The following MYO5B variants were observed in gnomAD, a reference collection of about 807,000 sequenced individuals.
MYO5B encodes the protein myosin VB, also known as unconventional myosin-Vb.
Under a neutral mutation model 229.3 loss-of-function variants are expected in MYO5B, and 143 were observed. That is an observed-to-expected ratio of 0.62 (90% CI 0.54 to 0.72). The LOEUF (loss-of-function observed/expected upper bound fraction) is 0.72, where lower values mean the gene tolerates loss of function less well. Among genes scored for constraint, MYO5B ranks in the 30% least tolerant of loss-of-function variants. The pLI is 0.00. For synonymous variants in MYO5B, 918 were observed against 885.2 expected, an observed-to-expected ratio of 1.04 and a Z score of -0.66; for missense variants, 2,321 against 2,331.0, an observed-to-expected ratio of 1.00 and a Z score of 0.09.
At chr18:49,960,380 G>A (rs755250861) in intron 12 of MYO5B, among the ~76,000 whole-genome samples, 2 of 152,168 alleles carry the variant, frequency 1.3e-5, no homozygotes, top group Non-Finnish European at 2.9e-5. Flanking sequence ...AAGGAGCACC[G>A]CGTTGCCCAG....
chr18:50,143,545 G>A (rs1249795908), intron 1 of MYO5B, among the ~76,000 whole-genome samples: 1 of 152,196 alleles, frequency 6.6e-6, no homozygotes, highest in Admixed American at 6.5e-5. Context: ...ATGGGTCTAA[G>A]GCTTCTCAGT....
intron 1 of MYO5B, among the ~76,000 whole-genome samples, chr18:50,119,255 G>C (rs116667958): frequency 6.6e-4 from 100 of 152,286 alleles, no homozygotes; most frequent in African/African-American, 2.2e-3. Context: ...TATCCCAGAC[G>C]AGGGGCTCCT....
At chr18:49,956,348 A>T (rs1212026690) in intron 12 of MYO5B, among the ~76,000 whole-genome samples, 1 of 152,238 alleles carries the variant, frequency 6.6e-6, no homozygotes, top group Non-Finnish European at 1.5e-5. Flanking sequence ...GGAGACAGAG[A>T]GGTTAAGTAA....
chr18:50,004,364 T>TA (rs1193057479), intron 4 of MYO5B, among the ~76,000 whole-genome samples: 2 of 152,202 alleles, frequency 1.3e-5, no homozygotes, highest in African/African-American at 2.4e-5. Context: ...ACCACAAGTT[T>TA]AAAAAATCTT....
chr18:50,098,715 TATC>T (rs1435190793), intron 1 of MYO5B: 1 of 152,324 alleles, frequency 6.6e-6, no homozygotes, highest in African/African-American at 2.4e-5. Flanking sequence ...AGCTCCTCTG[TATC>T]ATCAATGTAA....
chr18:49,893,336 T>C (rs1349328283), intron 22 of MYO5B, among the ~76,000 whole-genome samples: 4 of 152,244 alleles, frequency 2.6e-5, no homozygotes, highest in African/African-American at 9.6e-5. Context: ...CCAGTTCTAT[T>C]CTTGATCCTT....
At chr18:49,858,189 C>T (rs1464436771) in intron 29 of MYO5B, among the ~76,000 whole-genome samples, 1 of 152,180 alleles carries the variant, frequency 6.6e-6, no homozygotes, top group Non-Finnish European at 1.5e-5. Context: ...CTCATTATAC[C>T]TCTCCATCAT....
rs182184169 is a variant in MYO5B, at chr18:49,954,201, C to T, written c.1668+112G>A. On this transcript the variant is annotated intron_variant, in intron 13 of 39. Coordinates refer to ENST00000285039, the MANE Select transcript of MYO5B (RefSeq NM_001080467.3). ...GGATGGAAGGGGAACCTAGCTGAGGCTTCAGGCCATTTGAATTCAGAAGGG... is the reference window on the plus strand; with the variant it reads ...GGATGGAAGGGGAACCTAGCTGAGGTTTCAGGCCATTTGAATTCAGAAGGG... The T allele has an allele frequency of 3.3e-5, 50 of 1,512,552 alleles. No individual in the cohort carries two copies. In the Middle Eastern group the frequency reaches 6.8e-4, roughly 21 times the overall value. 93.7% of individuals were successfully genotyped at this position (1,512,552 alleles called of 1,614,324 possible).
chr18:50,141,114 A>G (rs1349245218), intron 1 of MYO5B, among the ~76,000 whole-genome samples: 1 of 152,170 alleles, frequency 6.6e-6, no homozygotes, highest in Non-Finnish European at 1.5e-5. Flanking sequence ...TTGAGGTAGG[A>G]GGCAGGACTC....
At position 49,988,464 on chromosome 18, in the gene MYO5B, T is replaced by C. The variant is rs2025895278; in HGVS notation, c.838+1975A>G. Among the ~76,000 whole-genome samples the C allele has an allele frequency of 2.0e-5, 3 of 152,280 alleles. No homozygotes were observed. The Middle Eastern group carries it at 0.01, about 518-fold the overall frequency. The stretch of plus-strand genomic sequence containing the variant: ...TTCAAGTGCTGCAGCCTGGGGCCCA[T>C]GTACCTTGCAGAGACAGGGAATAAG... On this transcript the variant is annotated intron_variant, in intron 7 of 39. Coordinates refer to ENST00000285039, the MANE Select transcript of MYO5B (RefSeq NM_001080467.3).
intron 10 of MYO5B, among the ~76,000 whole-genome samples, chr18:49,970,240 T>C (rs750028990): frequency 1.6e-4 from 24 of 152,226 alleles, no homozygotes; most frequent in Admixed American, 2.6e-4. Flanking sequence ...TGAAGGCGAC[T>C]TCACAGATCC....
intron 1 of MYO5B, among the ~76,000 whole-genome samples, chr18:50,110,404 T>C (rs1349061061): frequency 6.6e-6 from 1 of 152,194 alleles, no homozygotes; most frequent in Non-Finnish European, 1.5e-5. Context: ...CAGCAGCTGA[T>C]AGGCACTCAA....
chr18:49,960,679 A>C (rs567848235), intron 12 of MYO5B, among the ~76,000 whole-genome samples: 119 of 152,278 alleles, frequency 7.8e-4, no homozygotes, highest in South Asian at 2.9e-3. Flanking sequence ...CTTTTGTCTT[A>C]TTCCCTAATG....
chr18:50,066,198 T>G (rs1213193054), intron 1 of MYO5B, among the ~76,000 whole-genome samples: 3 of 152,198 alleles, frequency 2.0e-5, no homozygotes, highest in African/African-American at 7.2e-5. Flanking sequence ...GCAAGATAGT[T>G]CAGTCTTGCA....
chr18:49,944,696 T>C (rs2025351748), intron 14 of MYO5B, among the ~76,000 whole-genome samples: 1 of 152,086 alleles, frequency 6.6e-6, no homozygotes, highest in Non-Finnish European at 1.5e-5. Context: ...TGCATTTTCT[T>C]ATACTTGAAT....
At chr18:49,951,345 C>CT (rs1410504954) in intron 14 of MYO5B, among the ~76,000 whole-genome samples, 1 of 152,182 alleles carries the variant, frequency 6.6e-6, no homozygotes, top group African/African-American at 2.4e-5. Flanking sequence ...CCAACCTACC[C>CT]TTATCATTCT....
chr18:49,826,592 T>G lies in MYO5B; in HGVS notation c.5426A>C (p.Gln1809Pro). 1 of 1,613,808 alleles carries G rather than the reference T, an allele frequency of 6.2e-7. No individual in the cohort carries two copies. Among genetic ancestry groups the G allele is most frequent in the Non-Finnish European group, 8.5e-7 (1 of 1,179,914 alleles). ...AQLQERNDPQ[Q>P]LLLDAKHMFP... is the part of the protein sequence containing the mutation. ...CATGTGCTTGGCATCTAATAGCAGTTGCTGAGGGTCATTCCGCTCTTGTAG... is the reference window on the plus strand; with the variant it reads ...CATGTGCTTGGCATCTAATAGCAGTGGCTGAGGGTCATTCCGCTCTTGTAG... Residue 1809 changes from glutamine to proline, a missense_variant, in exon 40 of 40, where the codon CAA (glutamine) becomes CCA (proline). Around this residue, in one of 2 missense-constraint regions of MYO5B, gnomAD observed 208 missense variants for 286.3 expected, o/e 0.73. Coordinates refer to ENST00000285039, the MANE Select transcript of MYO5B (RefSeq NM_001080467.3).
chr18:49,943,989 G>C (rs2025344116), intron 14 of MYO5B, among the ~76,000 whole-genome samples: 1 of 152,098 alleles, frequency 6.6e-6, no homozygotes, highest in Non-Finnish European at 1.5e-5. Flanking sequence ...GCATTCGGGG[G>C]GCTAAGATAA....
intron 1 of MYO5B, among the ~76,000 whole-genome samples, chr18:50,184,902 AT>A (rs72425995): frequency 0.71 from 94,270 of 133,424 alleles, 30,098 homozygotes; most frequent in Middle Eastern, 0.74. Flanking sequence ...ACAGAAAAAA[AT>A]ATATATATAT....
Sources: allele counts gnomAD v4.1 joint callset (sites outside exome capture counted in the v4.1 genomes callset), GRCh38; gene constraint gnomAD v4.1.1; regional missense constraint gnomAD v4.1.1; transcripts MANE v1.5; gene names NCBI Gene and HGNC (gene_info 2026-07-23, HGNC 2026-07-21).